Variants in NWD2 observed in about 807,000 individuals in gnomAD.
The protein encoded by NWD2 is NACHT and WD repeat domain containing 2.
In NWD2, 37 loss-of-function variants were observed where a neutral mutation model predicts 132.7. The observed-to-expected ratio is 0.28, with a 90% CI of 0.21 to 0.37. The LOEUF is 0.37. NWD2 is among the 10% of genes least tolerant of loss of function. The probability of loss-of-function intolerance (pLI) is 1.00; values close to 1 mark genes in which losing one functional copy is unlikely to be tolerated. For missense variants in NWD2, 1,592 were observed against 2,122.4 expected, an observed-to-expected ratio of 0.75 and a Z score of 4.91; for synonymous variants, 705 against 803.0, an observed-to-expected ratio of 0.88 and a Z score of 2.06.
chr4:37,271,941 T>C (rs562588923), intron 1 of NWD2, among the ~76,000 whole-genome samples: 2 of 151,892 alleles, frequency 1.3e-5, no homozygotes, highest in South Asian at 4.1e-4. Flanking sequence ...TGTAGGTTTT[T>C]TGTAGTGCCC....
chr4:37,311,406 G>A (rs1718838413), intron 1 of NWD2, among the ~76,000 whole-genome samples: 1 of 151,770 alleles, frequency 6.6e-6, no homozygotes, highest in South Asian at 2.1e-4. Context: ...ATTTTTTCAT[G>A]TGTCTGTTGG....
intron 2 of NWD2, among the ~76,000 whole-genome samples, chr4:37,335,179 TG>T (rs1719375762): frequency 6.6e-6 from 1 of 151,806 alleles, no homozygotes. Flanking sequence ...AGGTCTTATC[TG>T]TGACTCTTTC....
chr4:37,321,176 A>C (rs1249231117), intron 1 of NWD2, among the ~76,000 whole-genome samples: 14 of 152,132 alleles, frequency 9.2e-5, no homozygotes, highest in African/African-American at 3.4e-4. Context: ...GAAAGAAAAA[A>C]ATGACTAAAG....
intron 3 of NWD2, among the ~76,000 whole-genome samples, chr4:37,412,553 T>A (rs1447570557): frequency 1.3e-5 from 2 of 152,176 alleles, no homozygotes; most frequent in African/African-American, 4.8e-5. Context: ...ATGGCCATAC[T>A]ACCCAAAGTA....
intron 3 of NWD2, among the ~76,000 whole-genome samples, chr4:37,407,760 C>G (rs1233510491): frequency 6.6e-6 from 1 of 152,204 alleles, no homozygotes; most frequent in African/African-American, 2.4e-5. Flanking sequence ...GGAATAGGAT[C>G]AGCTCCGGTC....
At chr4:37,347,916 T>C (rs1719668820) in intron 2 of NWD2, among the ~76,000 whole-genome samples, 1 of 152,242 alleles carries the variant, frequency 6.6e-6, no homozygotes, top group Admixed American at 6.5e-5. Context: ...AACTAAAGGG[T>C]GCCATACACA....
rs1018076447 is a variant in NWD2, at chr4:37,439,181, G to A, written c.1087G>A (p.Asp363Asn). The change falls in exon 6 of 7, where the codon GAC becomes AAC. Residue 363 changes from aspartate (D) to asparagine (N), a missense_variant. Asp to Asn is a conservative substitution (Grantham distance 23, BLOSUM62 1). Around this residue, in one of 7 missense-constraint regions of NWD2, gnomAD observed 1,071 missense variants for 1,398.0 expected, o/e 0.77. Coordinates refer to ENST00000309447, the MANE Select transcript of NWD2 (RefSeq NM_001144990.2). The surrounding 1 kb of genome is among the most constrained non-coding windows in gnomAD (Gnocchi z 4.5). ...TCAGGCAACGATACAACAGAATTTT[G>A]ACACTGAAACTGATACACTCTATGA... ...IIQATIQQNF[D>N]TETDTLYDEI... The A allele has an allele frequency of 2.6e-6, 4 of 1,549,968 alleles. No individual in the cohort carries two copies. In the Admixed American group the frequency reaches 7.9e-5, roughly 31 times the overall value.
intron 3 of NWD2, among the ~76,000 whole-genome samples, chr4:37,428,476 C>T (rs1221027757): frequency 6.6e-6 from 1 of 152,198 alleles, no homozygotes; most frequent in Non-Finnish European, 1.5e-5. Context: ...AATTGAAATA[C>T]CAAGTGCTAT....
At chr4:37,359,295 G>A (rs1408751547) in intron 3 of NWD2, among the ~76,000 whole-genome samples, 2 of 151,974 alleles carry the variant, frequency 1.3e-5, no homozygotes, top group East Asian at 3.8e-4. Context: ...TAAACTCAGG[G>A]AAACCACGAT....
chr4:37,315,474 T>C (rs1341778617), intron 1 of NWD2, among the ~76,000 whole-genome samples: 2 of 152,148 alleles, frequency 1.3e-5, no homozygotes, highest in Admixed American at 1.3e-4. Context: ...CATTCATAAT[T>C]GTTATAGTTT....
At chr4:37,348,153 G>T (rs1719674270) in intron 2 of NWD2, among the ~76,000 whole-genome samples, 1 of 152,152 alleles carries the variant, frequency 6.6e-6, no homozygotes, top group African/African-American at 2.4e-5. Flanking sequence ...GAAGCTGTGT[G>T]ATGCTCTGGT....
intron 1 of NWD2, among the ~76,000 whole-genome samples, chr4:37,321,841 G>C (rs534115681): frequency 1.8e-3 from 276 of 152,170 alleles, no homozygotes; most frequent in African/African-American, 6.4e-3. Flanking sequence ...TAAGAGCACA[G>C]AAAACCCATT....
At chr4:37,350,276 G>A (rs1375905174) in intron 2 of NWD2, among the ~76,000 whole-genome samples, 1 of 152,200 alleles carries the variant, frequency 6.6e-6, no homozygotes, top group African/African-American at 2.4e-5. Flanking sequence ...ACTTTGGACA[G>A]TATGGCTATT....
At chr4:37,415,195 T>C (rs1322853341) in intron 3 of NWD2, among the ~76,000 whole-genome samples, 2 of 152,138 alleles carry the variant, frequency 1.3e-5, no homozygotes, top group Non-Finnish European at 2.9e-5. Flanking sequence ...ATGGGAGAAA[T>C]AGCATAGACT....
chr4:37,276,100 G>T (rs1027126596), intron 1 of NWD2, among the ~76,000 whole-genome samples: 26 of 152,140 alleles, frequency 1.7e-4, no homozygotes, highest in Admixed American at 1.3e-3. Context: ...TTGACAAATG[G>T]GATCTAATTA....
At chr4:37,395,438 C>A (rs1294552486) in intron 3 of NWD2, among the ~76,000 whole-genome samples, 2 of 151,388 alleles carry the variant, frequency 1.3e-5, no homozygotes, top group African/African-American at 4.9e-5. Flanking sequence ...TATCAAGACT[C>A]ACTTTCAAGT....
intron 3 of NWD2, among the ~76,000 whole-genome samples, chr4:37,403,951 A>C (rs1292757940): frequency 6.6e-6 from 1 of 152,224 alleles, no homozygotes; most frequent in Non-Finnish European, 1.5e-5. Context: ...CAAAACAATT[A>C]GCATCTTGTA....
intron 3 of NWD2, among the ~76,000 whole-genome samples, chr4:37,392,522 T>C (rs559716445): frequency 2.2e-4 from 33 of 152,224 alleles, no homozygotes; most frequent in African/African-American, 7.9e-4. Context: ...CCACCCCAGA[T>C]TGTGACAGCC....
chr4:37,383,650 C>A (rs1006209301), intron 3 of NWD2, among the ~76,000 whole-genome samples: 2 of 152,182 alleles, frequency 1.3e-5, no homozygotes, highest in Admixed American at 1.3e-4. Flanking sequence ...CCTAGGAATT[C>A]TTTGAGTGTT....
Sources: gnomAD v4.1 joint callset for allele counts (sites outside exome capture counted in the v4.1 genomes callset) on GRCh38, gnomAD v4.1.1 for gene constraint, gnomAD v4.1.1 regional missense constraint, Gnocchi (gnomAD v3.1) non-coding constraint, MANE v1.5 for transcripts, NCBI Gene and HGNC (gene_info 2026-07-23, HGNC 2026-07-21) for gene names.